PPP2R1B: variants seen among roughly 807,000 people sequenced by gnomAD.
The protein encoded by PPP2R1B is serine/threonine-protein phosphatase 2A 65 kDa regulatory subunit A beta isoform.
A neutral mutation model predicts 72.7 loss-of-function variants in PPP2R1B; 58 were observed. That is an observed-to-expected ratio of 0.80 (90% confidence interval 0.65 to 0.99). The LOEUF (loss-of-function observed/expected upper bound fraction) is 0.99. Ranked by LOEUF, PPP2R1B falls within the 50% of genes least tolerant of loss-of-function variation. PPP2R1B has a pLI of 0.00. For missense variants in PPP2R1B, 695 were observed against 733.6 expected (o/e 0.95, Z 0.61); for synonymous variants, 256 against 264.6 (o/e 0.97, Z 0.32).
At chr11:111,701,638 A>G in the PPP2R1B span, 2 of 1,553,682 alleles carry the variant, frequency 1.3e-6, no homozygotes, top group African/African-American at 2.8e-5. This position sits in a 1 kb window ranked among gnomAD's most constrained non-coding sequence, Gnocchi z 4.2. Context: ...TGAAATGCCT[A>G]GGTAAAAGCT....
At chr11:111,701,058 A>G in the PPP2R1B span, 1 of 1,584,954 alleles carries the variant, frequency 6.3e-7, no homozygotes, top group Non-Finnish European at 8.6e-7. The surrounding 1 kb of genome is among the most constrained non-coding windows in gnomAD (Gnocchi z 4.2). Context: ...TACTGATAAT[A>G]CTTGGTGTTC....
chr11:111,713,350 A>G, the PPP2R1B span, among the ~76,000 whole-genome samples: 1 of 152,172 alleles, frequency 6.6e-6, no homozygotes, highest in South Asian at 2.1e-4. Context: ...CATAGAAAAC[A>G]CAGGTCTTGG....
At chr11:111,741,708 AAACT>A (rs1944526666) in intron 14 of PPP2R1B, 96 bp from the exon 15 acceptor site, 6 of 1,354,574 alleles carry the variant, frequency 4.4e-6, no homozygotes, top group Non-Finnish European at 5.2e-6. Flanking sequence ...CAAACGTATC[AAACT>A]AACAACTTCT....
At chr11:111,745,047 ATTT>A (rs10579316) in intron 11 of PPP2R1B, among the ~76,000 whole-genome samples, 86 of 84,960 alleles carry the variant, frequency 1.0e-3, no homozygotes, top group Admixed American at 1.8e-3. Context: ...TTCTCCTCTA[ATTT>A]TTTTTTTTTT....
At chr11:111,744,186 A>G (rs1366636614) in intron 11 of PPP2R1B, among the ~76,000 whole-genome samples, 2 of 152,226 alleles carry the variant, frequency 1.3e-5, no homozygotes, top group Admixed American at 1.3e-4. Context: ...ATTAGGAAAA[A>G]CAGTGATGGG....
chr11:111,739,142 C>CA lies in PPP2R1B; in HGVS notation c.*2453dup, dbSNP rs1944436109. The CA allele has an allele frequency of 1.0e-6, 1 of 985,322 alleles. No individual in the cohort carries two copies. Among genetic ancestry groups the CA allele is most frequent in the East Asian group, 1.1e-4 (1 of 8,806 alleles). 61.0% of individuals were successfully genotyped at this position (985,322 alleles called of 1,614,324 possible). A position where few individuals can be genotyped will look rare whatever the true frequency, so the allele number is the denominator to read the frequency against. ...GTCTGGTTCTTTTGATTATTTGTTC[C>CA]ATGCACACATTGGAGGATATTTTAG... On this transcript the variant is annotated 3_prime_UTR_variant, in exon 15 of 15. Coordinates refer to ENST00000527614, the MANE Select transcript of PPP2R1B (RefSeq NM_002716.5).
the PPP2R1B span, among the ~76,000 whole-genome samples, chr11:111,694,777 G>A: frequency 3.3e-5 from 5 of 152,174 alleles, no homozygotes; most frequent in African/African-American, 1.2e-4. Flanking sequence ...ATGGAAGATG[G>A]CTCAAAGGGT....
intron 3 of PPP2R1B, 50 bp from the exon 4 acceptor site, chr11:111,761,101 T>G: frequency 6.8e-7 from 1 of 1,471,324 alleles, no homozygotes; most frequent in Non-Finnish European, 9.4e-7. Flanking sequence ...TTGAATCAGG[T>G]TAGAAACAGA....
At chr11:111,744,370 C>G (rs1225805393) in intron 11 of PPP2R1B, among the ~76,000 whole-genome samples, 1 of 152,182 alleles carries the variant, frequency 6.6e-6, no homozygotes, top group Non-Finnish European at 1.5e-5. Context: ...TGCTTCCTCT[C>G]CATGAAAATG....
In PPP2R1B at chr11:111,739,601, A is replaced by T; in HGVS notation, c.*1995T>A. 1.0e-6 allele frequency: 1 copy of T among 985,442 alleles called. No homozygotes were observed. The highest frequency in any genetic ancestry group is 1.2e-6 in the Non-Finnish European group (1 of 829,928). The allele number at this position is 985,442 out of a possible 1,614,324, so 61.0% of individuals were successfully genotyped here. On this transcript the variant is annotated 3_prime_UTR_variant, in exon 15 of 15. Transcript: ENST00000527614. ...GAGAAGTCAATGCTTAGGGCTCCTC[A>T]CTGGGAGACACAAGGGCATTTTAAA...
rs782406263 is a variant in PPP2R1B, at chr11:111,765,403, AAAG to A, written c.115-22_115-20del. On this transcript the variant is annotated intron_variant, in intron 1 of 14. Coordinates refer to ENST00000527614, the MANE Select transcript of PPP2R1B (RefSeq NM_002716.5). ...GTCGGAGCTTCAGAAAAGAAAGTAG[AAAG>A]AAGAACAATGTAAAGAAACGGCTGA... is the stretch of plus-strand genomic sequence containing the variant. The A allele has an allele frequency of 4.4e-6, 7 of 1,576,542 alleles. No homozygotes were observed. Among genetic ancestry groups the A allele is most frequent in the Non-Finnish European group, 6.1e-6 (7 of 1,151,834 alleles).
Position 111,754,865 on chromosome 11 carries a change from A to G in PPP2R1B, c.958+115T>C, listed in dbSNP as rs183974299. ...AATGTAACATTTCCACACACTAAAA[A>G]CATCCCTATGTATTTTAAAAACATA... On this transcript the variant is annotated intron_variant, in intron 7 of 14. Coordinates refer to ENST00000527614, the MANE Select transcript of PPP2R1B (RefSeq NM_002716.5). The G allele has an allele frequency of 5.9e-3, 5,712 of 963,530 alleles. 45 individuals are homozygous for G. The highest frequency in any genetic ancestry group is 0.021 in the Middle Eastern group (90 of 4,270). 59.7% of individuals were successfully genotyped at this position (963,530 alleles called of 1,614,324 possible). A position where few individuals can be genotyped will look rare whatever the true frequency, so the allele number is the denominator to read the frequency against.
the PPP2R1B span, among the ~76,000 whole-genome samples, chr11:111,702,380 T>C: frequency 1.3e-5 from 2 of 151,966 alleles, no homozygotes; most frequent in African/African-American, 4.8e-5. Context: ...AGGCCAGGAG[T>C]TGGAGACCAG....
At chr11:111,761,764 G>C (rs1945338151) in intron 3 of PPP2R1B, among the ~76,000 whole-genome samples, 1 of 152,174 alleles carries the variant, frequency 6.6e-6, no homozygotes, top group Non-Finnish European at 1.5e-5. Context: ...CTCGAGACCA[G>C]CCTGGCCAAC....
At chr11:111,765,901 C>T (rs1279189622) in intron 1 of PPP2R1B, 1 of 505,754 alleles carries the variant, frequency 2.0e-6, no homozygotes. Flanking sequence ...CCCGTCTCGG[C>T]CTGGCACCGC....
At chr11:111,719,356 CTTTTTT>C in the PPP2R1B span, among the ~76,000 whole-genome samples, 5 of 118,842 alleles carry the variant, frequency 4.2e-5, no homozygotes, top group East Asian at 2.6e-4. Flanking sequence ...GTGACTACCC[CTTTTTT>C]TTTTTTTTTT....
chr11:111,736,597 G>A (rs113744384), downstream of PPP2R1B, among the ~76,000 whole-genome samples: 6 of 152,122 alleles, frequency 3.9e-5, no homozygotes, highest in Non-Finnish European at 5.9e-5. Flanking sequence ...AGCTGCCCAC[G>A]GACAAGTGTG....
intron 3 of PPP2R1B, 71 bp from the exon 4 acceptor site, chr11:111,761,122 T>G: frequency 7.8e-7 from 1 of 1,282,074 alleles, no homozygotes; most frequent in Non-Finnish European, 1.1e-6. Flanking sequence ...TAATCACCTT[T>G]TAAAGTGACT....
intron 8 of PPP2R1B, among the ~76,000 whole-genome samples, chr11:111,753,867 C>A (rs1401838371): frequency 6.6e-6 from 1 of 152,064 alleles, no homozygotes; most frequent in African/African-American, 2.4e-5. Flanking sequence ...AATCCTCTTA[C>A]CTTGGCCTCT....
Sources: gnomAD v4.1 joint callset for allele counts (sites outside exome capture counted in the v4.1 genomes callset) on GRCh38, gnomAD v4.1.1 for gene constraint, Gnocchi (gnomAD v3.1) non-coding constraint, MANE v1.5 for transcripts, NCBI Gene and HGNC (gene_info 2026-07-23, HGNC 2026-07-21) for gene names.